Variants in LYPLAL1 observed in about 807,000 individuals in gnomAD.
LYPLAL1 encodes the protein lysophospholipase-like protein 1.
A neutral mutation model predicts 19.7 loss-of-function variants in LYPLAL1; 23 were observed. The observed-to-expected ratio is 1.17, with a 90% confidence interval of 0.84 to 1.65. LYPLAL1 has a LOEUF of 1.65. LYPLAL1 is among the 40% of genes most tolerant of loss of function. The probability of loss-of-function intolerance (pLI) is 0.00; values close to 1 mark genes in which losing one functional copy is unlikely to be tolerated. For synonymous variants in LYPLAL1, 119 were observed against 96.3 expected, an observed-to-expected ratio of 1.24 and a Z score of -1.38; for missense variants, 355 against 279.4, an observed-to-expected ratio of 1.27 and a Z score of -1.93.
chr1:219,442,640 G>T, the LYPLAL1 span: 1 of 152,158 alleles, frequency 6.6e-6, no homozygotes, highest in Non-Finnish European at 1.5e-5. Context: ...GCCTTTGAAT[G>T]CCGTGGGCTG....
chr1:219,176,265 T>C (rs1351558425), intron 1 of LYPLAL1, among the ~76,000 whole-genome samples: 1 of 152,222 alleles, frequency 6.6e-6, no homozygotes, highest in Non-Finnish European at 1.5e-5. Flanking sequence ...TTCACTCTTA[T>C]TTGCTCCCAT....
the LYPLAL1 span, among the ~76,000 whole-genome samples, chr1:219,398,818 C>T: frequency 2.0e-5 from 3 of 152,104 alleles, no homozygotes; most frequent in Non-Finnish European, 4.4e-5. Flanking sequence ...TTTTAGGGGG[C>T]CAGTGCTGAG....
chr1:219,365,756 C>G, the LYPLAL1 span, among the ~76,000 whole-genome samples: 2 of 152,070 alleles, frequency 1.3e-5, no homozygotes, highest in Non-Finnish European at 2.9e-5. Flanking sequence ...GAATCGGGTC[C>G]AACACCTCCC....
the LYPLAL1 span, among the ~76,000 whole-genome samples, chr1:219,252,726 A>C: frequency 6.6e-6 from 1 of 152,166 alleles, no homozygotes; most frequent in South Asian, 2.1e-4. Context: ...TTCATCAAGG[A>C]TATTAGCCTG....
the LYPLAL1 span, among the ~76,000 whole-genome samples, chr1:219,290,187 G>T: frequency 6.6e-6 from 1 of 152,192 alleles, no homozygotes; most frequent in African/African-American, 2.4e-5. Context: ...GTAAATAAAT[G>T]GACATGATTG....
the LYPLAL1 span, among the ~76,000 whole-genome samples, chr1:219,349,439 C>T: frequency 1.3e-5 from 2 of 152,082 alleles, no homozygotes; most frequent in South Asian, 4.1e-4. Flanking sequence ...TGTGAACAGA[C>T]TGTTAATGAA....
the LYPLAL1 span, among the ~76,000 whole-genome samples, chr1:219,362,445 G>C: frequency 6.6e-6 from 1 of 152,186 alleles, no homozygotes; most frequent in Non-Finnish European, 1.5e-5. Context: ...ATTTTAAAAC[G>C]TGCAAAAGTT....
chr1:219,198,164 C>T (rs1293269503), intron 3 of LYPLAL1, among the ~76,000 whole-genome samples: 1 of 151,972 alleles, frequency 6.6e-6, no homozygotes, highest in Non-Finnish European at 1.5e-5. Flanking sequence ...TAAATCAAGT[C>T]TCTTGTTGAA....
At chr1:219,311,899 A>G in the LYPLAL1 span, among the ~76,000 whole-genome samples, 1 of 152,206 alleles carries the variant, frequency 6.6e-6, no homozygotes, top group Non-Finnish European at 1.5e-5. Flanking sequence ...CTGCTAACCA[A>G]TAAAAATTTT....
chr1:219,191,168 G>A (rs1455482885), intron 2 of LYPLAL1, among the ~76,000 whole-genome samples: 1 of 151,556 alleles, frequency 6.6e-6, no homozygotes, highest in Non-Finnish European at 1.5e-5. Context: ...CTGTAGAAAG[G>A]TAAATTTTTA....
At chr1:219,197,603 G>A (rs1461394034) in intron 3 of LYPLAL1, among the ~76,000 whole-genome samples, 1 of 152,070 alleles carries the variant, frequency 6.6e-6, no homozygotes, top group Non-Finnish European at 1.5e-5. Context: ...AAAAGCAATA[G>A]CAACAAAAGC....
chr1:219,175,168 C>T (rs1321492719), intron 1 of LYPLAL1: 5 of 874,982 alleles, frequency 5.7e-6, no homozygotes, highest in Non-Finnish European at 6.9e-6. Context: ...TTAGCTGTTA[C>T]TGTGAGTAGT....
At chr1:219,301,610 G>A in the LYPLAL1 span, among the ~76,000 whole-genome samples, 1 of 152,058 alleles carries the variant, frequency 6.6e-6, no homozygotes, top group Admixed American at 6.6e-5. Flanking sequence ...CATGGAAAAA[G>A]ACAAGTGCTT....
the LYPLAL1 span, among the ~76,000 whole-genome samples, chr1:219,287,583 A>G: frequency 0.46 from 69,586 of 152,008 alleles, 16,360 homozygotes; most frequent in East Asian, 0.69. Flanking sequence ...TCACCAACAG[A>G]GCACCAAACA....
chr1:219,213,281 T>G (rs1659168362), downstream of LYPLAL1, among the ~76,000 whole-genome samples: 1 of 152,032 alleles, frequency 6.6e-6, no homozygotes. Context: ...CATTGATTTA[T>G]GTATCCATCC....
chr1:219,416,066 T>C, the LYPLAL1 span, among the ~76,000 whole-genome samples: 1 of 152,226 alleles, frequency 6.6e-6, no homozygotes, highest in Non-Finnish European at 1.5e-5. Context: ...ATGATAGAGT[T>C]CCCATATACT....
At chr1:219,282,593 G>A in the LYPLAL1 span, among the ~76,000 whole-genome samples, 14 of 151,886 alleles carry the variant, frequency 9.2e-5, no homozygotes, top group Non-Finnish European at 1.6e-4. Flanking sequence ...TTCCAAAGGG[G>A]AGGGGGATAA....
chr1:219,420,498 A>C, the LYPLAL1 span, among the ~76,000 whole-genome samples: 1 of 152,162 alleles, frequency 6.6e-6, no homozygotes, highest in East Asian at 1.9e-4. Context: ...GGAAAGTAGA[A>C]ATCACCCACT....
At chr1:219,192,946 A>T in intron 2 of LYPLAL1, 136 bp from the exon 3 acceptor site, 1 of 848,510 alleles carries the variant, frequency 1.2e-6, no homozygotes, top group Non-Finnish European at 1.7e-6. Context: ...AGTAGTTTTA[A>T]TATGCATTTA....
Sources: gnomAD v4.1 joint callset for allele counts (sites outside exome capture counted in the v4.1 genomes callset) on GRCh38, gnomAD v4.1.1 for gene constraint, MANE v1.5 for transcripts, NCBI Gene and HGNC (gene_info 2026-07-23, HGNC 2026-07-21) for gene names.